The following CASR variants were observed in gnomAD, a reference collection of about 807,000 sequenced individuals.
CASR encodes extracellular calcium-sensing receptor.
CASR carries 23 observed loss-of-function variants against 69.1 expected under a neutral mutation model. The ratio of observed to expected loss-of-function variants is 0.33; its 90% confidence interval spans 0.24 to 0.47. The LOEUF is 0.47. CASR is among the 20% of genes least tolerant of loss of function. The probability of loss-of-function intolerance (pLI) is 1.00; values close to 1 mark genes in which losing one functional copy is unlikely to be tolerated. For missense variants in CASR, 924 were observed against 1,356.1 expected, an observed-to-expected ratio of 0.68 and a Z score of 5.00; for synonymous variants, 541 against 544.7, an observed-to-expected ratio of 0.99 and a Z score of 0.10.
intron 1 of CASR, among the ~76,000 whole-genome samples, chr3:122,205,500 C>G (rs1300215752): frequency 6.6e-6 from 1 of 152,002 alleles, no homozygotes; most frequent in African/African-American, 2.4e-5. Context: ...ATTTTAAAGT[C>G]AAGTAGTGTG....
rs2074975809 is a variant in CASR at position 122,286,966 on chromosome 3, G to T, written c.*1775G>T. The T allele has an allele frequency of 1.3e-5, 2 of 152,206 alleles. No individual in the cohort carries two copies. Among genetic ancestry groups the T allele is most frequent in the South Asian group, 4.1e-4 (2 of 4,828 alleles). 9.4% of individuals were successfully genotyped at this position (152,206 alleles called of 1,614,324 possible). On this transcript the variant is annotated 3_prime_UTR_variant, in exon 7 of 7. Transcript: ENST00000639785. Reference sequence around the variant, plus strand: ...GAAATCATTAGAGGGCACCATGTGGGAGCGCGACTGTGAGCAGAAGGTGGT... The same window carrying T: ...GAAATCATTAGAGGGCACCATGTGGTAGCGCGACTGTGAGCAGAAGGTGGT...
intron 1 of CASR, among the ~76,000 whole-genome samples, chr3:122,218,332 A>G (rs1474216951): frequency 1.3e-5 from 2 of 151,752 alleles, no homozygotes; most frequent in Non-Finnish European, 2.9e-5. Context: ...TCAGGAGATC[A>G]AGACCAGCCT....
At position 122,291,376 on chromosome 3, in the gene CASR, T is replaced by C. The variant is rs925353202; in HGVS notation, c.*6185T>C. On this transcript the variant is annotated 3_prime_UTR_variant, in exon 7 of 7. Transcript: ENST00000639785. ...GTAAAAGTGTTCCTATTTCTCCACA[T>C]CCTCTCCAGCACCTGTTGTTTCCTG... The C allele has an allele frequency of 7.3e-5, 11 of 151,570 alleles. No individual in the cohort carries two copies. The highest frequency in any genetic ancestry group is 2.7e-4 in the African/African-American group (11 of 41,344). The allele number at this position is 151,570 out of a possible 1,614,324, so 9.4% of individuals were successfully genotyped here. A position where few individuals can be genotyped will look rare whatever the true frequency, so the allele number is the denominator to read the frequency against.
chr3:122,268,445 T>G, intron 4 of CASR, among the ~76,000 whole-genome samples: 1 of 152,202 alleles, frequency 6.6e-6, no homozygotes, highest in Admixed American at 6.5e-5. Context: ...GGGCACCACA[T>G]GCCTTCTAGC....
chr3:122,199,835 A>G (rs1383278667), intron 1 of CASR, among the ~76,000 whole-genome samples: 2 of 27,602 alleles, frequency 7.2e-5, no homozygotes, highest in East Asian at 4.9e-4. Flanking sequence ...TACCGTGACT[A>G]TAACTAACAA....
chr3:122,216,924 A>G (rs746252407), intron 1 of CASR, among the ~76,000 whole-genome samples: 1 of 152,184 alleles, frequency 6.6e-6, no homozygotes, highest in Admixed American at 6.5e-5. Flanking sequence ...CATTCAACAT[A>G]TATTTATTGA....
chr3:122,228,530 A>G (rs1208018119), intron 1 of CASR, among the ~76,000 whole-genome samples: 3 of 152,222 alleles, frequency 2.0e-5, no homozygotes, highest in African/African-American at 7.2e-5. Context: ...GACTTCTTCA[A>G]TTGAGATTAC....
At position 122,289,195 on chromosome 3, in the gene CASR, A is replaced by G. The variant is rs1044793525; in HGVS notation, c.*4004A>G. ...ATTGCTACAAGAATAATGGAACATC[A>G]ATAAGGGGTGCTAATCACCGGAGGA... On this transcript the variant is annotated 3_prime_UTR_variant, in exon 7 of 7. Coordinates refer to ENST00000639785, the MANE Select transcript of CASR (RefSeq NM_000388.4). 9.2e-5 allele frequency: 14 copies of G among 152,214 alleles called. No individual in the cohort carries two copies. The East Asian group carries it at 2.5e-3, about 27-fold the overall frequency. The allele number at this position is 152,214 out of a possible 1,614,324, so 9.4% of individuals were successfully genotyped here. A position where few individuals can be genotyped will look rare whatever the true frequency, so the allele number is the denominator to read the frequency against.
intron 5 of CASR, among the ~76,000 whole-genome samples, chr3:122,280,142 CT>C (rs758306365): frequency 2.6e-5 from 4 of 152,124 alleles, no homozygotes; most frequent in Non-Finnish European, 5.9e-5. Flanking sequence ...CAGAAAAGGC[CT>C]TCGATAAAAT....
At chr3:122,276,067 A>G (rs1028068213) in intron 5 of CASR, 25 bp downstream of exon 5, 1 of 1,447,688 alleles carries the variant, frequency 6.9e-7, no homozygotes, top group East Asian at 2.3e-5. Context: ...TCAGAAAACC[A>G]GATGTCTCCA....
Position 122,254,048 on chromosome 3 carries a change from C to T in CASR, c.-142C>T, listed in dbSNP as rs2107624583. On this transcript the variant is annotated 5_prime_UTR_variant, in exon 2 of 7. Coordinates refer to ENST00000639785, the MANE Select transcript of CASR (RefSeq NM_000388.4). ...AGGAAGGCAGAAATGGAGATTCAAACACCACGTCTTCTATTATTTTATTAA... is the reference window on the plus strand; with the variant it reads ...AGGAAGGCAGAAATGGAGATTCAAATACCACGTCTTCTATTATTTTATTAA... 2.4e-6 allele frequency: 2 copies of T among 833,438 alleles called. No homozygotes were observed. Among genetic ancestry groups the T allele is most frequent in the East Asian group, 4.9e-5 (2 of 41,140 alleles). 51.6% of individuals were successfully genotyped at this position (833,438 alleles called of 1,614,324 possible).
chr3:122,252,362 A>AG (rs1553765630), intron 1 of CASR, among the ~76,000 whole-genome samples: 4 of 26,258 alleles, frequency 1.5e-4, no homozygotes, highest in South Asian at 1.6e-3. Context: ...AAAGAAAGAA[A>AG]GAAGGAAGGA....
intron 1 of CASR, among the ~76,000 whole-genome samples, chr3:122,213,538 T>C (rs899460448): frequency 6.6e-6 from 1 of 152,156 alleles, no homozygotes; most frequent in African/African-American, 2.4e-5. Flanking sequence ...TTGGGTCCTC[T>C]CTCTAAGACT....
chr3:122,269,066 C>G (rs2074725264), intron 4 of CASR, among the ~76,000 whole-genome samples: 1 of 152,176 alleles, frequency 6.6e-6, no homozygotes, highest in South Asian at 2.1e-4. Context: ...GAATCTTTAT[C>G]AGGAACAATT....
chr3:122,191,975 C>A (rs1454615403), intron 1 of CASR, among the ~76,000 whole-genome samples: 5 of 152,150 alleles, frequency 3.3e-5, no homozygotes, highest in Non-Finnish European at 7.3e-5. Flanking sequence ...AAAACAATTG[C>A]CTTAAAACTG....
chr3:122,190,305 C>T (rs964476578), intron 1 of CASR, among the ~76,000 whole-genome samples: 3 of 152,200 alleles, frequency 2.0e-5, no homozygotes, highest in Non-Finnish European at 4.4e-5. Flanking sequence ...GTGATCTTCT[C>T]TTTTCACACT....
chr3:122,257,818 A>C (rs1006070317), intron 3 of CASR, among the ~76,000 whole-genome samples: 2 of 152,220 alleles, frequency 1.3e-5, no homozygotes, highest in Non-Finnish European at 2.9e-5. Flanking sequence ...TTGAAACTTT[A>C]GCTCAGAGGG....
intron 2 of CASR, 91 bp downstream of exon 2, chr3:122,254,465 G>A (rs1333835265): frequency 1.5e-6 from 2 of 1,306,562 alleles, no homozygotes; most frequent in Non-Finnish European, 1.1e-6. Flanking sequence ...TTCAAACTTT[G>A]TCCTATCTTT....
chr3:122,274,990 G>T (rs11715859), intron 4 of CASR, among the ~76,000 whole-genome samples: 1 of 152,114 alleles, frequency 6.6e-6, no homozygotes, highest in South Asian at 2.1e-4. Flanking sequence ...AATTAAGAGC[G>T]CAGGATTGTG....
Sources: gnomAD v4.1 joint callset for allele counts (sites outside exome capture counted in the v4.1 genomes callset) on GRCh38, gnomAD v4.1.1 for gene constraint, MANE v1.5 for transcripts, NCBI Gene and HGNC (gene_info 2026-07-23, HGNC 2026-07-21) for gene names.